SLC41A3: variants seen among roughly 807,000 people sequenced by gnomAD.
SLC41A3 encodes SLC41A1-like 2.
In SLC41A3, 44 loss-of-function variants were observed where a neutral mutation model predicts 45.4. That is an observed-to-expected ratio of 0.97 (90% CI 0.76 to 1.25). The LOEUF (loss-of-function observed/expected upper bound fraction) is 1.25. SLC41A3 is among the 50% of genes most tolerant of loss of function. The probability of loss-of-function intolerance (pLI) is 0.00; values close to 1 mark genes in which losing one functional copy is unlikely to be tolerated. For missense variants in SLC41A3, 550 were observed against 600.6 expected (o/e 0.92, Z 0.88); for synonymous variants, 256 against 252.4 (o/e 1.01, Z -0.13).
intron 2 of SLC41A3, among the ~76,000 whole-genome samples, chr3:126,059,252 AAAGAAAGAAAG>A (rs1488695166): frequency 0.021 from 61 of 2,920 alleles, no homozygotes; most frequent in South Asian, 0.11. Flanking sequence ...AGAAAGAAAG[AAAGAAAGAAAG>A]AAGAAAGAAA....
chr3:126,051,210 T>C (rs551362674), intron 2 of SLC41A3, among the ~76,000 whole-genome samples, 160 bp from the exon 3 acceptor site: 100 of 152,222 alleles, frequency 6.6e-4, no homozygotes, highest in Non-Finnish European at 1.3e-3. Flanking sequence ...CAGAAATAAA[T>C]GAAGCTGTGA....
At chr3:126,057,682 G>A (rs912851254) in intron 2 of SLC41A3, among the ~76,000 whole-genome samples, 5 of 152,122 alleles carry the variant, frequency 3.3e-5, no homozygotes, top group Admixed American at 6.5e-5. Context: ...GGATCCTACC[G>A]GCCTCCCCAA....
chr3:126,009,828 A>G (rs1474493817), intron 9 of SLC41A3, among the ~76,000 whole-genome samples: 1 of 152,262 alleles, frequency 6.6e-6, no homozygotes, highest in Non-Finnish European at 1.5e-5. Flanking sequence ...TAGGAAAACC[A>G]TGTAAACAAT....
chr3:126,063,846 G>A (rs1379724885), intron 2 of SLC41A3, among the ~76,000 whole-genome samples: 1 of 151,634 alleles, frequency 6.6e-6, no homozygotes, highest in Non-Finnish European at 1.5e-5. Flanking sequence ...GGGTTAGCAG[G>A]AGGCACATGG....
At chr3:126,046,961 C>CAAAAA (rs36095026) in intron 3 of SLC41A3, among the ~76,000 whole-genome samples, 15 of 80,988 alleles carry the variant, frequency 1.9e-4, no homozygotes, top group South Asian at 1.2e-3. Flanking sequence ...AACTCCATCT[C>CAAAAA]AAAAAAAAAA....
intron 3 of SLC41A3, among the ~76,000 whole-genome samples, chr3:126,050,114 T>C (rs1559857549): frequency 6.6e-6 from 1 of 152,208 alleles, no homozygotes; most frequent in Non-Finnish European, 1.5e-5. Context: ...GCCTCTTCCC[T>C]ATAAGTTAAC....
intron 3 of SLC41A3, among the ~76,000 whole-genome samples, chr3:126,039,170 T>G (rs1271187492): frequency 6.6e-6 from 1 of 152,190 alleles, no homozygotes. Flanking sequence ...AATTACCCAG[T>G]CTCAAGTATT....
intron 2 of SLC41A3, among the ~76,000 whole-genome samples, chr3:126,060,552 ATT>A (rs1944010463): frequency 6.6e-6 from 1 of 152,126 alleles, no homozygotes; most frequent in Non-Finnish European, 1.5e-5. Context: ...AATCTTTATA[ATT>A]TTTTGTCTAT....
intron 3 of SLC41A3, among the ~76,000 whole-genome samples, chr3:126,047,236 G>C (rs980744430): frequency 6.6e-6 from 1 of 152,032 alleles, no homozygotes; most frequent in African/African-American, 2.4e-5. Flanking sequence ...AGTGGTTCAT[G>C]CCTGTGGTCC....
Position 126,067,965 on chromosome 3 carries a change from C to T in SLC41A3, c.255G>A (p.Met85Ile), listed in dbSNP as rs1324165188. The change falls in exon 2 of 11, where the codon ATG becomes ATA. Residue 85 changes from methionine to isoleucine, a missense_variant. Met to Ile is a conservative substitution (Grantham distance 10). Coordinates refer to ENST00000360370, the MANE Select transcript of SLC41A3 (RefSeq NM_017836.4). ...FAGLGLSWAG[M>I]LLDYFQHWPV... The stretch of plus-strand genomic sequence containing the variant: ...CTCTTACCTGGAAATAGTCCAGAAG[C>T]ATGCCGGCCCAGGACAGTCCCAGGC... 1.2e-6 allele frequency: 2 copies of T among 1,605,894 alleles called. No homozygotes were observed. Among genetic ancestry groups the T allele is most frequent in the Non-Finnish European group, 8.5e-7 (1 of 1,176,350 alleles).
At chr3:126,066,040 A>G (rs1276615572) in intron 2 of SLC41A3, among the ~76,000 whole-genome samples, 1 of 151,948 alleles carries the variant, frequency 6.6e-6, no homozygotes, top group African/African-American at 2.4e-5. Context: ...TTCCCCTGAA[A>G]TGTGGCTCAA....
intron 1 of SLC41A3, among the ~76,000 whole-genome samples, chr3:126,100,058 A>G (rs1945679174): frequency 1.3e-5 from 2 of 152,168 alleles, no homozygotes; most frequent in African/African-American, 4.8e-5. Flanking sequence ...GAGCTTGCCC[A>G]AAAGGGGTCA....
At chr3:126,053,860 C>T (rs1174493896) in intron 2 of SLC41A3, among the ~76,000 whole-genome samples, 1 of 152,170 alleles carries the variant, frequency 6.6e-6, no homozygotes, top group Non-Finnish European at 1.5e-5. Flanking sequence ...CCTGCTCTGC[C>T]AGCCAGGACT....
chr3:126,095,005 T>C (rs1287900011), intron 1 of SLC41A3, among the ~76,000 whole-genome samples: 1 of 152,246 alleles, frequency 6.6e-6, no homozygotes, highest in Non-Finnish European at 1.5e-5. Context: ...TCTAGCATTA[T>C]TAACTTTAAA....
chr3:126,098,281 A>G lies in SLC41A3; in HGVS notation c.-79+3148T>C, dbSNP rs62263503. 5.3e-3 allele frequency among the ~76,000 whole-genome samples: 809 copies of G among 152,278 alleles called. 2 individuals carry two copies. Among genetic ancestry groups the G allele is most frequent in the Middle Eastern group, 0.02 (6 of 294 alleles). Reference sequence around the variant, plus strand: ...CTGGAGTCCTTAGAAGAGATGGGAAAGAGATAGGGGAGACCTCCCTCTGCA... The same window carrying G: ...CTGGAGTCCTTAGAAGAGATGGGAAGGAGATAGGGGAGACCTCCCTCTGCA... On this transcript the variant is annotated intron_variant, in intron 1 of 9. Transcript: ENST00000508835.
At chr3:126,030,549 C>G (rs926252204) in intron 4 of SLC41A3, among the ~76,000 whole-genome samples, 1 of 152,152 alleles carries the variant, frequency 6.6e-6, no homozygotes, top group Non-Finnish European at 1.5e-5. Flanking sequence ...TTATTTTCTA[C>G]TGGGGTCTCC....
At chr3:126,073,790 TA>T (rs61470731) in intron 1 of SLC41A3, among the ~76,000 whole-genome samples, 1 of 151,062 alleles carries the variant, frequency 6.6e-6, no homozygotes, top group Non-Finnish European at 1.5e-5. Flanking sequence ...ACCAAGCATT[TA>T]AAAAAAAATA....
At chr3:126,032,982 C>G (rs1394629775) in intron 4 of SLC41A3, among the ~76,000 whole-genome samples, 1 of 152,164 alleles carries the variant, frequency 6.6e-6, no homozygotes, top group Admixed American at 6.5e-5. Flanking sequence ...TTTTCCTCAT[C>G]TCCCCCTGCC....
At chr3:126,037,591 T>C (rs1942294360) in intron 3 of SLC41A3, among the ~76,000 whole-genome samples, 1 of 152,134 alleles carries the variant, frequency 6.6e-6, no homozygotes, top group African/African-American at 2.4e-5. Flanking sequence ...AGGAGAAATT[T>C]CTAAGGAGCA....
Sources: allele counts gnomAD v4.1 joint callset (sites outside exome capture counted in the v4.1 genomes callset), GRCh38; gene constraint gnomAD v4.1.1; transcripts MANE v1.5; gene names NCBI Gene and HGNC (gene_info 2026-07-23, HGNC 2026-07-21).